Variants in AKAP13 observed in about 807,000 individuals in gnomAD.
AKAP13 encodes the protein A-kinase anchoring protein 13.
Under a neutral mutation model 264.5 loss-of-function variants are expected in AKAP13, and 80 were observed. That is an observed-to-expected ratio of 0.30 (90% confidence interval 0.25 to 0.36). AKAP13 has a LOEUF of 0.36. Ranked by LOEUF, AKAP13 falls within the 10% of genes least tolerant of loss-of-function variation. AKAP13 has a pLI of 1.00. For synonymous variants in AKAP13, 1,380 were observed against 1,250.2 expected (o/e 1.10, Z -2.19); for missense variants, 3,712 against 3,435.2 (o/e 1.08, Z -2.01).
chr15:85,560,039 C>T (rs2078303432), intron 5 of AKAP13, among the ~76,000 whole-genome samples: 2 of 141,358 alleles, frequency 1.4e-5, no homozygotes, highest in Admixed American at 1.5e-4. Context: ...AATATAACTG[C>T]ATTGGAGCCT....
At chr15:85,582,390 G>A (rs1160917362) in intron 7 of AKAP13, among the ~76,000 whole-genome samples, 3 of 152,154 alleles carry the variant, frequency 2.0e-5, no homozygotes, top group Admixed American at 2.0e-4. Context: ...AGAAAACAAT[G>A]CCTAGATCAC....
intron 11 of AKAP13, among the ~76,000 whole-genome samples, chr15:85,656,595 C>T (rs554795136): frequency 1.8e-3 from 269 of 152,244 alleles, no homozygotes; most frequent in African/African-American, 5.4e-3. Context: ...TACAGGCGCC[C>T]GCCACCACGC....
intron 5 of AKAP13, among the ~76,000 whole-genome samples, chr15:85,567,941 G>GGGGTGTGTGTGT (rs370286691): frequency 7.1e-6 from 1 of 141,828 alleles, no homozygotes; most frequent in African/African-American, 2.6e-5. Context: ...AGCCCAAAGA[G>GGGGTGTGTGTGT]GTGTGTGTGT....
At chr15:85,666,866 C>T (rs2083633049) in intron 13 of AKAP13, among the ~76,000 whole-genome samples, 2 of 152,206 alleles carry the variant, frequency 1.3e-5, no homozygotes, top group African/African-American at 2.4e-5. Context: ...TTATCACTTA[C>T]CACTTTTGAC....
Position 85,579,725 on chromosome 15 carries a change from C to G in AKAP13, c.1657C>G (p.Leu553Val). ...LDGNKPAESS[L>V]AFSNEETSTE... ...TGGTAACAAACCTGCTGAGTCTTCA[C>G]TTGCATTTAGTAATGAAGAAACCTC... Residue 553 changes from leucine to valine, a missense_variant, in exon 7 of 37, where the codon CTT (leucine) becomes GTT (valine). By Grantham distance (32) the Leu-to-Val change is conservative (BLOSUM62 1). This residue lies in a region of AKAP13 where 2,759 missense variants were observed against 2,411.7 expected (regional missense o/e 1.14). Transcript: ENST00000394518. 1 of 1,614,208 alleles carries G rather than the reference C, an allele frequency of 6.2e-7. No homozygotes were observed. The highest frequency in any genetic ancestry group is 8.5e-7 in the Non-Finnish European group (1 of 1,180,028).
In AKAP13 at chr15:85,731,415, T is replaced by G. The variant is rs367932106; in HGVS notation, c.7282+708T>G. On this transcript the variant is annotated intron_variant, in intron 30 of 36. Transcript: ENST00000394518. ...CATCTTAAAATTCTTAATTTACAGT[T>G]CCCCCCACCATCTTTTTTTTTCCAT... 2.6e-5 allele frequency among the ~76,000 whole-genome samples: 4 copies of G among 152,188 alleles called. No individual in the cohort carries two copies. The East Asian group carries it at 7.7e-4, about 29-fold the overall frequency.
intron 12 of AKAP13, 77 bp downstream of exon 12, chr15:85,658,667 T>G: frequency 7.7e-7 from 1 of 1,301,024 alleles, no homozygotes; most frequent in Non-Finnish European, 1.1e-6. Context: ...TTCTGCTTAA[T>G]CCATGATTGG....
At chr15:85,381,175 G>T (rs2070223176) in intron 1 of AKAP13, among the ~76,000 whole-genome samples, 1 of 152,172 alleles carries the variant, frequency 6.6e-6, no homozygotes, top group South Asian at 2.1e-4. Flanking sequence ...TCCCCGGGTC[G>T]GCGCCGCCGG....
chr15:85,434,726 G>A (rs898679986), intron 1 of AKAP13, among the ~76,000 whole-genome samples: 40 of 152,262 alleles, frequency 2.6e-4, no homozygotes, highest in African/African-American at 9.1e-4. Context: ...CACCTCACAC[G>A]GCAGGGTATT....
chr15:85,650,304 G>C (rs948421235), intron 10 of AKAP13, among the ~76,000 whole-genome samples: 1 of 151,846 alleles, frequency 6.6e-6, no homozygotes, highest in South Asian at 2.1e-4. Context: ...GGTGGCACAC[G>C]TCTGTAGTCC....
At chr15:85,620,229 G>A (rs943928069) in intron 8 of AKAP13, 1 of 1,497,636 alleles carries the variant, frequency 6.7e-7, no homozygotes, top group Non-Finnish European at 9.0e-7. Flanking sequence ...TTAGCGCTTT[G>A]AACCCGGTAG....
In AKAP13 at chr15:85,718,644, G is replaced by A. The variant is rs2087100508; in HGVS notation, c.6002-432G>A. On this transcript the variant is annotated intron_variant, in intron 22 of 36. Transcript: ENST00000394518. This position sits in a 1 kb window ranked among gnomAD's most constrained non-coding sequence, Gnocchi z 4.9. The stretch of plus-strand genomic sequence containing the variant: ...TGACCAGGCTCAGCGGCTCATACCT[G>A]TAATCCCAGCACTCTGGGAGGCTGA... Among the ~76,000 whole-genome samples, 1 of 152,158 alleles carries A rather than the reference G, an allele frequency of 6.6e-6. No individual in the cohort carries two copies. The highest frequency in any genetic ancestry group is 2.4e-5 in the African/African-American group (1 of 41,434).
chr15:85,744,335 T>C (rs1376887303), intron 36 of AKAP13: 3 of 394,938 alleles, frequency 7.6e-6, no homozygotes, highest in Admixed American at 4.3e-5. Context: ...TCCTTCTCTT[T>C]AGGATTGATC....
chr15:85,571,946 G>A (rs1382168359), intron 5 of AKAP13, among the ~76,000 whole-genome samples: 2 of 152,326 alleles, frequency 1.3e-5, no homozygotes, highest in East Asian at 3.9e-4. Flanking sequence ...TGAAGGGTTA[G>A]TACCTGGAGG....
At chr15:85,428,060 A>G (rs1237120891) in intron 1 of AKAP13, among the ~76,000 whole-genome samples, 2 of 152,168 alleles carry the variant, frequency 1.3e-5, no homozygotes, top group African/African-American at 2.4e-5. Flanking sequence ...ACTGTACCTG[A>G]CTTCAAGTGT....
At chr15:85,426,148 A>G (rs977814111) in intron 1 of AKAP13, among the ~76,000 whole-genome samples, 1 of 152,208 alleles carries the variant, frequency 6.6e-6, no homozygotes. Flanking sequence ...ATCAGGATTC[A>G]TGTTATGGAA....
intron 8 of AKAP13, among the ~76,000 whole-genome samples, chr15:85,627,004 C>CT (rs1376754402): frequency 6.6e-6 from 1 of 152,096 alleles, no homozygotes; most frequent in Non-Finnish European, 1.5e-5. Flanking sequence ...CTAATGCACA[C>CT]TTACTTTTGT....
intron 1 of AKAP13, among the ~76,000 whole-genome samples, chr15:85,435,745 A>C (rs375055316): frequency 6.7e-4 from 91 of 136,494 alleles, no homozygotes; most frequent in African/African-American, 2.3e-3. Flanking sequence ...GAAATAAAAT[A>C]CTTCACAGAC....
intron 8 of AKAP13, among the ~76,000 whole-genome samples, chr15:85,593,080 C>A (rs2079650843): frequency 6.6e-6 from 1 of 152,106 alleles, no homozygotes; most frequent in African/African-American, 2.4e-5. Context: ...GAGGCTGAGG[C>A]AGGTGGATCA....
Sources: gnomAD v4.1 joint callset for allele counts (sites outside exome capture counted in the v4.1 genomes callset) on GRCh38, gnomAD v4.1.1 for gene constraint, gnomAD v4.1.1 regional missense constraint, Gnocchi (gnomAD v3.1) non-coding constraint, MANE v1.5 for transcripts, NCBI Gene and HGNC (gene_info 2026-07-23, HGNC 2026-07-21) for gene names.